The following DRC1 variants were observed in gnomAD, a reference collection of about 807,000 sequenced individuals.
DRC1 encodes the protein dynein regulatory complex subunit 1.
Under a neutral mutation model 98.7 loss-of-function variants are expected in DRC1, and 74 were observed. The observed-to-expected ratio is 0.75, with a 90% confidence interval of 0.62 to 0.91. The LOEUF is 0.91. Among genes scored for constraint, DRC1 ranks in the 40% least tolerant of loss-of-function variants. The pLI is 0.00. For missense variants in DRC1, 875 were observed against 886.0 expected, an observed-to-expected ratio of 0.99 and a Z score of 0.16; for synonymous variants, 336 against 334.1, an observed-to-expected ratio of 1.01 and a Z score of -0.06.
At chr2:26,421,473 G>A in intron 3 of DRC1, 73 bp downstream of exon 3, 1 of 1,268,362 alleles carries the variant, frequency 7.9e-7, no homozygotes, top group Non-Finnish European at 1.1e-6. Flanking sequence ...CTCCCGAATT[G>A]TTGGAGGGTG....
At chr2:26,428,874 T>C (rs926457440) in intron 4 of DRC1, among the ~76,000 whole-genome samples, 6 of 152,238 alleles carry the variant, frequency 3.9e-5, no homozygotes, top group Admixed American at 3.9e-4. Flanking sequence ...GAAATGTTGC[T>C]ATGCAGCACA....
At chr2:26,402,500 AAGTAGCCTGGCTGC>A (rs1463502733) in intron 1 of DRC1, among the ~76,000 whole-genome samples, 12 of 152,172 alleles carry the variant, frequency 7.9e-5, no homozygotes, top group African/African-American at 2.9e-4. Flanking sequence ...CATGTGGCCC[AAGTAGCCTGGCTGC>A]TTACACTGTG....
At chr2:26,405,015 G>A (rs1343655823) in intron 1 of DRC1, among the ~76,000 whole-genome samples, 1 of 152,154 alleles carries the variant, frequency 6.6e-6, no homozygotes, top group Non-Finnish European at 1.5e-5. Context: ...GGAAGAACTG[G>A]GGGAATCATT....
intron 2 of DRC1, among the ~76,000 whole-genome samples, chr2:26,417,032 C>T (rs1301975010): frequency 6.6e-6 from 1 of 152,056 alleles, no homozygotes; most frequent in Non-Finnish European, 1.5e-5. Context: ...CCAGATCTCA[C>T]GAGAACTCAC....
chr2:26,444,238 A>G lies in DRC1; in HGVS notation c.1045A>G (p.Asn349Asp). ...TTCAACCAGCCTGCATGATATACTT[A>G]ACAATCTGAGATCAAAATATGCCAA... ...RKINRLHDIL[N>D]NLRSKYAKQI... is the part of the protein sequence containing the mutation. Residue 349 changes from asparagine (N) to aspartate (D), a missense_variant, in exon 9 of 17, where the codon AAC becomes GAC. Transcript: ENST00000288710. 2 of 1,614,180 alleles carry G rather than the reference A, an allele frequency of 1.2e-6. No individual in the cohort carries two copies. Among genetic ancestry groups the G allele is most frequent in the East Asian group, 4.5e-5 (2 of 44,888 alleles).
chr2:26,451,655 C>T (rs1472691352), intron 13 of DRC1, among the ~76,000 whole-genome samples: 1 of 151,586 alleles, frequency 6.6e-6, no homozygotes, highest in Non-Finnish European at 1.5e-5. Flanking sequence ...TTCACCACTG[C>T]ATTTCAGCCT....
intron 16 of DRC1, 44 bp downstream of exon 16, chr2:26,455,277 G>A: frequency 6.3e-7 from 1 of 1,581,356 alleles, no homozygotes; most frequent in Non-Finnish European, 8.7e-7. Flanking sequence ...GGAGACACGG[G>A]TGGGGCAGGG....
chr2:26,435,465 T>C (rs1216793092), intron 7 of DRC1, among the ~76,000 whole-genome samples: 1 of 152,202 alleles, frequency 6.6e-6, no homozygotes, highest in Non-Finnish European at 1.5e-5. Context: ...GCAGGTTTGT[T>C]ATATGGGTAA....
intron 12 of DRC1, among the ~76,000 whole-genome samples, 186 bp from the exon 13 acceptor site, chr2:26,450,406 C>T (rs551702690): frequency 3.9e-4 from 60 of 152,368 alleles, no homozygotes; most frequent in African/African-American, 1.4e-3. Flanking sequence ...CAGCTCCTGG[C>T]TCTATGAGCA....
Position 26,455,276 on chromosome 2 carries a change from G to A in DRC1, c.2166+43G>A, listed in dbSNP as rs772392935. On this transcript the variant is annotated intron_variant, in intron 16 of 16. Coordinates refer to ENST00000288710, the MANE Select transcript of DRC1 (RefSeq NM_145038.5). The stretch of plus-strand genomic sequence containing the variant: ...CCAAGGAGGGGCAGCGGGAGACACG[G>A]GTGGGGCAGGGGCACTGGAGCTGGG... 4 of 1,582,158 alleles carry A rather than the reference G, an allele frequency of 2.5e-6. No individual in the cohort carries two copies. The East Asian group carries it at 6.7e-5, about 27-fold the overall frequency.
chr2:26,422,755 AG>A (rs1663178997), intron 3 of DRC1, among the ~76,000 whole-genome samples: 2 of 152,056 alleles, frequency 1.3e-5, no homozygotes, highest in Non-Finnish European at 2.9e-5. Context: ...GTCTCTACTA[AG>A]AACACAAAAA....
At chr2:26,440,569 G>A in intron 8 of DRC1, 52 bp downstream of exon 8, 1 of 1,555,258 alleles carries the variant, frequency 6.4e-7, no homozygotes, top group Non-Finnish European at 8.7e-7. Flanking sequence ...GCTGAGAATA[G>A]GGATGGATAT....
At position 26,430,863 on chromosome 2, in the gene DRC1, T is replaced by A; in HGVS notation, c.756T>A (p.Asn252Lys). 6.8e-6 allele frequency: 11 copies of A among 1,613,574 alleles called. No homozygotes were observed. The highest frequency in any genetic ancestry group is 9.3e-6 in the Non-Finnish European group (11 of 1,179,794). The change falls in exon 6 of 17, where the codon AAT (asparagine) becomes AAA (lysine). Residue 252 changes from asparagine to lysine, a missense_variant. By Grantham distance (94) the Asn-to-Lys change is moderately conservative. Coordinates refer to ENST00000288710, the MANE Select transcript of DRC1 (RefSeq NM_145038.5). ...KKWEQALQAH[N>K]AKELEYLNNR... ...GGGAGCAAGCCCTTCAGGCTCATAA[T>A]GCCAAAGAGGTAAAGGGTGGAGCCT... is the stretch of plus-strand genomic sequence containing the variant.
intron 7 of DRC1, among the ~76,000 whole-genome samples, chr2:26,434,176 GA>G (rs1663508404): frequency 6.6e-6 from 1 of 152,074 alleles, no homozygotes; most frequent in Non-Finnish European, 1.5e-5. Flanking sequence ...AAATAGGAAG[GA>G]TACAGTACAC....
chr2:26,406,944 G>A (rs549357899), intron 1 of DRC1, among the ~76,000 whole-genome samples: 10 of 149,620 alleles, frequency 6.7e-5, no homozygotes, highest in Non-Finnish European at 1.0e-4. Flanking sequence ...CCAGCCTCTC[G>A]AGTAGCTGGG....
chr2:26,434,068 A>G (rs1028556901), intron 7 of DRC1, among the ~76,000 whole-genome samples: 2 of 152,256 alleles, frequency 1.3e-5, no homozygotes, highest in Non-Finnish European at 2.9e-5. Flanking sequence ...TGTTAAGAAG[A>G]TATAACATGC....
intron 1 of DRC1, among the ~76,000 whole-genome samples, chr2:26,412,198 A>T (rs948426549): frequency 5.3e-5 from 8 of 152,170 alleles, no homozygotes; most frequent in African/African-American, 1.9e-4. Context: ...GACTTTGAAC[A>T]AAGGGAGTAG....
At chr2:26,439,497 T>C (rs911719778) in intron 7 of DRC1, among the ~76,000 whole-genome samples, 2 of 152,204 alleles carry the variant, frequency 1.3e-5, no homozygotes, top group Non-Finnish European at 2.9e-5. Context: ...AGTTGCTGAA[T>C]GAATGAATAC....
At chr2:26,402,207 T>C in intron 1 of DRC1, 63 bp downstream of exon 1, 4 of 1,483,054 alleles carry the variant, frequency 2.7e-6, no homozygotes, top group Non-Finnish European at 2.7e-6. Context: ...GCTGGTTTCC[T>C]GATGAAATAG....
Sources: gnomAD v4.1 joint callset for allele counts (sites outside exome capture counted in the v4.1 genomes callset) on GRCh38, gnomAD v4.1.1 for gene constraint, MANE v1.5 for transcripts, NCBI Gene and HGNC (gene_info 2026-07-23, HGNC 2026-07-21) for gene names.